Variants in PPARGC1A observed in about 807,000 individuals in gnomAD.
PPARGC1A encodes the protein peroxisome proliferator-activated receptor gamma coactivator 1-alpha.
Under a neutral mutation model 88.7 loss-of-function variants are expected in PPARGC1A, and 25 were observed. The observed-to-expected ratio is 0.28, with a 90% CI of 0.21 to 0.39. The LOEUF (loss-of-function observed/expected upper bound fraction) is 0.39. Among genes scored for constraint, PPARGC1A ranks in the 10% least tolerant of loss-of-function variants. PPARGC1A has a pLI of 1.00. For missense variants in PPARGC1A, 880 were observed against 968.7 expected, an observed-to-expected ratio of 0.91 and a Z score of 1.22; for synonymous variants, 363 against 355.6, an observed-to-expected ratio of 1.02 and a Z score of -0.24.
chr4:24,445,060 A>G, the PPARGC1A span, among the ~76,000 whole-genome samples: 130 of 151,170 alleles, frequency 8.6e-4, no homozygotes, highest in African/African-American at 1.7e-3. Context: ...CTCAAAAAAA[A>G]AGAGAGAGAG....
the PPARGC1A span, among the ~76,000 whole-genome samples, chr4:23,915,248 A>T: frequency 1.3e-5 from 2 of 152,314 alleles, no homozygotes; most frequent in Non-Finnish European, 2.9e-5. Flanking sequence ...ATCAATAGAA[A>T]CACCATATCA....
chr4:24,415,056 G>A, the PPARGC1A span, among the ~76,000 whole-genome samples: 1 of 152,048 alleles, frequency 6.6e-6, no homozygotes, highest in Non-Finnish European at 1.5e-5. Flanking sequence ...TGAGTGCAGT[G>A]GCATGCACCT....
the PPARGC1A span, among the ~76,000 whole-genome samples, chr4:24,034,685 G>A: frequency 6.6e-6 from 1 of 152,162 alleles, no homozygotes; most frequent in East Asian, 1.9e-4. Context: ...TAACATACTA[G>A]TGTGTCTCCA....
At chr4:24,438,186 G>C in the PPARGC1A span, among the ~76,000 whole-genome samples, 1 of 152,182 alleles carries the variant, frequency 6.6e-6, no homozygotes, top group South Asian at 2.1e-4. Context: ...GGATAGATTT[G>C]ATGTGGAGGA....
chr4:24,148,443 A>G, the PPARGC1A span, among the ~76,000 whole-genome samples: 1 of 152,122 alleles, frequency 6.6e-6, no homozygotes, highest in Non-Finnish European at 1.5e-5. Flanking sequence ...CCTCCATGTA[A>G]CACCTACTGA....
the PPARGC1A span, among the ~76,000 whole-genome samples, chr4:24,231,828 A>G: frequency 6.6e-6 from 1 of 152,106 alleles, no homozygotes; most frequent in Non-Finnish European, 1.5e-5. Context: ...CAAGACATAC[A>G]ATAAAGTTGA....
At chr4:24,067,627 G>T in the PPARGC1A span, among the ~76,000 whole-genome samples, 1 of 152,202 alleles carries the variant, frequency 6.6e-6, no homozygotes, top group East Asian at 1.9e-4. Context: ...TAGCTAGAGG[G>T]AAAGCCTAGG....
At chr4:24,171,404 CA>C in the PPARGC1A span, among the ~76,000 whole-genome samples, 33 of 145,444 alleles carry the variant, frequency 2.3e-4, no homozygotes, top group East Asian at 6.0e-4. Context: ...GACTCCATCT[CA>C]AAAAAAAAAA....
intron 7 of PPARGC1A, among the ~76,000 whole-genome samples, chr4:23,815,418 C>T (rs1000407200): frequency 6.6e-6 from 1 of 152,030 alleles, no homozygotes; most frequent in Admixed American, 6.6e-5. Context: ...TGCCAGCCGA[C>T]CATTTTATAT....
chr4:24,309,098 GA>G, the PPARGC1A span, among the ~76,000 whole-genome samples: 52 of 151,844 alleles, frequency 3.4e-4, no homozygotes, highest in Non-Finnish European at 5.4e-4. Flanking sequence ...AGTCAAGACA[GA>G]AAAGGACTGC....
At chr4:24,147,032 C>T in the PPARGC1A span, among the ~76,000 whole-genome samples, 1 of 152,176 alleles carries the variant, frequency 6.6e-6, no homozygotes, top group Non-Finnish European at 1.5e-5. Flanking sequence ...TAAAGACTTG[C>T]TCAGTCTTTA....
At chr4:23,821,540 A>G (rs554659396) in intron 7 of PPARGC1A, among the ~76,000 whole-genome samples, 1 of 152,244 alleles carries the variant, frequency 6.6e-6, no homozygotes, top group African/African-American at 2.4e-5. Context: ...AAGAGGATAC[A>G]CAGCAAGGGC....
intron 10 of PPARGC1A, among the ~76,000 whole-genome samples, chr4:23,808,913 T>C (rs930355204): frequency 6.6e-6 from 1 of 152,208 alleles, no homozygotes; most frequent in African/African-American, 2.4e-5. Flanking sequence ...AAAGATGACT[T>C]TAATTTTGTA....
chr4:24,445,052 C>CA, the PPARGC1A span, among the ~76,000 whole-genome samples: 120 of 149,902 alleles, frequency 8.0e-4, no homozygotes, highest in African/African-American at 1.6e-3. Context: ...GACCCTGTCT[C>CA]AAAAAAAAAG....
intron 2 of PPARGC1A, among the ~76,000 whole-genome samples, chr4:23,833,111 A>G (rs1725338168): frequency 6.6e-6 from 1 of 152,140 alleles, no homozygotes; most frequent in Admixed American, 6.5e-5. Context: ...CTCTAATAAC[A>G]CTACTGTGGA....
chr4:23,799,247 C>T (rs576369662), intron 12 of PPARGC1A, among the ~76,000 whole-genome samples: 18 of 152,252 alleles, frequency 1.2e-4, no homozygotes, highest in African/African-American at 3.9e-4. Context: ...AGTTCCAAAG[C>T]TGATTCCTAG....
the PPARGC1A span, among the ~76,000 whole-genome samples, chr4:24,181,293 A>G: frequency 7.9e-5 from 12 of 152,314 alleles, no homozygotes; most frequent in South Asian, 1.9e-3. Context: ...TTTTCCCCTG[A>G]TTTAATTCCA....
chr4:23,908,878 C>A (rs1469139597), upstream of PPARGC1A, among the ~76,000 whole-genome samples: 6 of 152,128 alleles, frequency 3.9e-5, no homozygotes, highest in Admixed American at 3.3e-4. Flanking sequence ...GTGTAGAACA[C>A]AAGATAAAAG....
the PPARGC1A span, among the ~76,000 whole-genome samples, chr4:24,062,086 C>G: frequency 1.2e-4 from 18 of 152,146 alleles, no homozygotes; most frequent in East Asian, 9.6e-4. Flanking sequence ...TAACAATAAA[C>G]CAAGTCTTTT....
Sources: allele counts gnomAD v4.1 joint callset (sites outside exome capture counted in the v4.1 genomes callset), GRCh38; gene constraint gnomAD v4.1.1; transcripts MANE v1.5; gene names NCBI Gene and HGNC (gene_info 2026-07-23, HGNC 2026-07-21).